Variants in PLCB1 observed in about 807,000 individuals in gnomAD.
PLCB1 encodes the protein 1-phosphatidylinositol 4,5-bisphosphate phosphodiesterase beta-1.
A neutral mutation model predicts 161.8 loss-of-function variants in PLCB1; 46 were observed. The observed-to-expected ratio is 0.28, with a 90% CI of 0.22 to 0.36. PLCB1 has a LOEUF of 0.36. PLCB1 is among the 10% of genes least tolerant of loss of function. PLCB1 has a pLI of 1.00. For missense variants in PLCB1, 1,016 were observed against 1,472.5 expected (o/e 0.69, Z 5.07); for synonymous variants, 517 against 503.7 (o/e 1.03, Z -0.35).
intron 14 of PLCB1, among the ~76,000 whole-genome samples, chr20:8,719,768 A>G (rs1979524799): frequency 6.6e-6 from 1 of 152,104 alleles, no homozygotes; most frequent in African/African-American, 2.4e-5. Flanking sequence ...TGCACTGTGG[A>G]CTTACGACGT....
In PLCB1 at chr20:8,881,647, A is replaced by G. The variant is rs1265159999; in HGVS notation, c.3449A>G (p.Tyr1150Cys). 2.5e-6 allele frequency: 4 copies of G among 1,614,096 alleles called. No homozygotes were observed. The highest frequency in any genetic ancestry group is 3.4e-6 in the Non-Finnish European group (4 of 1,179,986). Residue 1150 changes from tyrosine (Y) to cysteine (C), a missense_variant, in exon 32 of 32, where the codon TAC becomes TGC. Tyr to Cys is a radical substitution (Grantham distance 194). Transcript: ENST00000338037. ...CTGCAGGTGGAGCTGGAGCAAGAAT[A>G]CCAAGACAAATTCAAAAGACTGCCC... ...PKLQVELEQE[Y>C]QDKFKRLPLE...
chr20:8,566,702 T>C (rs1200699857), intron 3 of PLCB1, among the ~76,000 whole-genome samples: 1 of 152,164 alleles, frequency 6.6e-6, no homozygotes, highest in African/African-American at 2.4e-5. Context: ...TAACTGGCTA[T>C]GATATATGGC....
chr20:8,655,368 G>A (rs558850903), intron 7 of PLCB1, among the ~76,000 whole-genome samples: 3 of 152,214 alleles, frequency 2.0e-5, no homozygotes, highest in African/African-American at 4.8e-5. Context: ...ACTGGAAATA[G>A]AGCCATTAAC....
intron 3 of PLCB1, among the ~76,000 whole-genome samples, chr20:8,423,384 G>A (rs1292421176): frequency 6.6e-6 from 1 of 152,122 alleles, no homozygotes; most frequent in Non-Finnish European, 1.5e-5. Context: ...TTAATTACTG[G>A]TTAAATTGTT....
At chr20:8,664,585 A>C (rs556089497) in intron 9 of PLCB1, among the ~76,000 whole-genome samples, 1 of 152,272 alleles carries the variant, frequency 6.6e-6, no homozygotes, top group East Asian at 1.9e-4. Flanking sequence ...TGAAAACTGT[A>C]GTTTTAGTTG....
chr20:8,264,470 TATTATC>T (rs1229335676), intron 2 of PLCB1, among the ~76,000 whole-genome samples: 17 of 152,348 alleles, frequency 1.1e-4, no homozygotes, highest in Admixed American at 8.5e-4. Flanking sequence ...CATAGTTGTT[TATTATC>T]ATTATCAAGT....
chr20:8,362,875 G>GA (rs1234363515), intron 2 of PLCB1, among the ~76,000 whole-genome samples: 1 of 151,962 alleles, frequency 6.6e-6, no homozygotes, highest in Non-Finnish European at 1.5e-5. Context: ...AAAATTTTTA[G>GA]AAAAAAGTAA....
At chr20:8,220,239 G>A (rs757927803) in intron 2 of PLCB1, among the ~76,000 whole-genome samples, 1 of 152,052 alleles carries the variant, frequency 6.6e-6, no homozygotes, top group Non-Finnish European at 1.5e-5. Context: ...AAAGAGAGAA[G>A]ACAGATAAAA....
chr20:8,875,928 T>C (rs1310611956), intron 31 of PLCB1, among the ~76,000 whole-genome samples: 1 of 152,128 alleles, frequency 6.6e-6, no homozygotes, highest in Non-Finnish European at 1.5e-5. Context: ...CTAAAAGCTT[T>C]CCTTAACTAT....
chr20:8,557,399 C>T (rs1985999293), intron 3 of PLCB1, among the ~76,000 whole-genome samples: 1 of 152,010 alleles, frequency 6.6e-6, no homozygotes, highest in South Asian at 2.1e-4. Flanking sequence ...CATGTTAGAA[C>T]ATGGATAAAT....
intron 2 of PLCB1, among the ~76,000 whole-genome samples, chr20:8,191,817 T>C (rs1292681318): frequency 6.6e-6 from 1 of 152,066 alleles, no homozygotes; most frequent in African/African-American, 2.4e-5. Flanking sequence ...CATTTGCCTA[T>C]TTTAGTCAAT....
chr20:8,764,178 T>C (rs1982196119), intron 25 of PLCB1, among the ~76,000 whole-genome samples: 1 of 151,828 alleles, frequency 6.6e-6, no homozygotes. Context: ...AAAAAGAAAA[T>C]AGTAATCATA....
chr20:8,296,524 T>C (rs1983639491), intron 2 of PLCB1, among the ~76,000 whole-genome samples: 1 of 152,180 alleles, frequency 6.6e-6, no homozygotes, highest in South Asian at 2.1e-4. Flanking sequence ...TTTAGGTCCC[T>C]TTTCCCATTA....
At chr20:8,196,030 G>A (rs1309736733) in intron 2 of PLCB1, among the ~76,000 whole-genome samples, 2 of 151,996 alleles carry the variant, frequency 1.3e-5, no homozygotes, top group Non-Finnish European at 2.9e-5. Flanking sequence ...AGAGTGAAGT[G>A]GGGAAAATCT....
chr20:8,392,127 A>G (rs974886059), intron 3 of PLCB1, among the ~76,000 whole-genome samples: 3 of 152,026 alleles, frequency 2.0e-5, no homozygotes, highest in African/African-American at 7.2e-5. Context: ...CCGATGCAAT[A>G]GTATTTAAAG....
intron 2 of PLCB1, among the ~76,000 whole-genome samples, chr20:8,211,209 T>C (rs1261160987): frequency 1.3e-5 from 2 of 152,012 alleles, no homozygotes; most frequent in African/African-American, 4.8e-5. Context: ...AAGATTCTGG[T>C]TGGATGAGAG....
rs990536521 is a variant in PLCB1, at chr20:8,657,253, C to G, written c.664C>G (p.Arg222Gly). ...AGTTTTCCTCAACAACCTTTGCCCTCGACCTGAAATTGATAACATCTTTTC... is the reference window on the plus strand; with the variant it reads ...AGTTTTCCTCAACAACCTTTGCCCTGGACCTGAAATTGATAACATCTTTTC... ...YRVFLNNLCPRPEIDNIFSEF... is the reference protein window; with the variant it reads ...YRVFLNNLCPGPEIDNIFSEF... Residue 222 changes from arginine to glycine, a missense_variant, in exon 8 of 32, where the codon CGA becomes GGA. Arg to Gly is a moderately radical substitution (Grantham distance 125, BLOSUM62 -2). This residue lies in a region of PLCB1 where 117 missense variants were observed against 142.2 expected (regional missense o/e 0.82). Coordinates refer to ENST00000338037, the MANE Select transcript of PLCB1 (RefSeq NM_015192.4). 5 of 1,606,256 alleles carry G rather than the reference C, an allele frequency of 3.1e-6. No homozygotes were observed. In the Admixed American group the frequency reaches 8.3e-5, roughly 27 times the overall value.
rs1979310979 is a variant in PLCB1 at position 8,716,361 on chromosome 20, G to T, written c.1335+13G>T. ...GGAAAAATATCCAGTAAGCAGTTCT[G>T]ATGTTTGTCCTTGAAGGAATGTATG... On this transcript the variant is annotated intron_variant, in intron 13 of 31. Coordinates refer to ENST00000338037, the MANE Select transcript of PLCB1 (RefSeq NM_015192.4). 1 of 1,591,964 alleles carries T rather than the reference G, an allele frequency of 6.3e-7. No homozygotes were observed. Among genetic ancestry groups the T allele is most frequent in the Middle Eastern group, 1.7e-4 (1 of 6,026 alleles).
intron 3 of PLCB1, among the ~76,000 whole-genome samples, chr20:8,403,487 T>G (rs1430619061): frequency 6.6e-6 from 1 of 152,184 alleles, no homozygotes; most frequent in Non-Finnish European, 1.5e-5. Context: ...TTTGGAAATA[T>G]TAGATTTTAA....
Sources: gnomAD v4.1 joint callset for allele counts (sites outside exome capture counted in the v4.1 genomes callset) on GRCh38, gnomAD v4.1.1 for gene constraint, gnomAD v4.1.1 regional missense constraint, MANE v1.5 for transcripts, NCBI Gene and HGNC (gene_info 2026-07-23, HGNC 2026-07-21) for gene names.